The following OTOA variants were observed in gnomAD, a reference collection of about 807,000 sequenced individuals.
The protein encoded by OTOA is otoancorin, also known as cancer/testis antigen 108.
OTOA carries 70 observed loss-of-function variants against 110.8 expected under a neutral mutation model. The ratio of observed to expected loss-of-function variants is 0.63; its 90% confidence interval spans 0.52 to 0.77. OTOA has a LOEUF of 0.77. Ranked by LOEUF, OTOA falls within the 30% of genes least tolerant of loss-of-function variation. The pLI is 0.00. For missense variants in OTOA, 917 were observed against 1,075.8 expected, an observed-to-expected ratio of 0.85 and a Z score of 2.06; for synonymous variants, 373 against 431.5, an observed-to-expected ratio of 0.86 and a Z score of 1.68.
chr16:21,686,516 C>T (rs1897714688), intron 7 of OTOA, among the ~76,000 whole-genome samples: 1 of 151,908 alleles, frequency 6.6e-6, no homozygotes, highest in African/African-American at 2.4e-5. Flanking sequence ...TGGTCTCAAA[C>T]TCCTAGGCTC....
chr16:21,728,279 G>A lies in OTOA; in HGVS notation c.2055G>A (p.Met685Ile), dbSNP rs763903896. ...SIADEYTVDI[M>I]GNLLCHLPAA... is the part of the protein sequence containing the mutation. ...CTGATGAGTACACTGTGGACATCAT[G>A]GGGAACCTGCTGTGTCACTTGCCGG... The change falls in exon 20 of 29, where the codon ATG becomes ATA. Residue 685 changes from methionine to isoleucine, a missense_variant. Met to Ile is a conservative substitution (Grantham distance 10). Around this residue, in one of 6 missense-constraint regions of OTOA, gnomAD observed 840 missense variants for 910.2 expected, o/e 0.92. Transcript: ENST00000646100. The A allele has an allele frequency of 3.1e-6, 5 of 1,614,026 alleles. No individual in the cohort carries two copies. Among genetic ancestry groups the A allele is most frequent in the Non-Finnish European group, 4.2e-6 (5 of 1,180,022 alleles).
intron 21 of OTOA, among the ~76,000 whole-genome samples, chr16:21,733,371 A>AG (rs1197416928): frequency 1.9e-4 from 28 of 151,224 alleles, no homozygotes; most frequent in African/African-American, 6.8e-4. Flanking sequence ...AGATTCCAAG[A>AG]GGGACCAATC....
intron 18 of OTOA, among the ~76,000 whole-genome samples, chr16:21,723,611 G>T (rs549904962): frequency 2.0e-5 from 3 of 152,280 alleles, no homozygotes. Context: ...TTGATATTTG[G>T]TTGAAAGCAA....
intron 13 of OTOA, among the ~76,000 whole-genome samples, chr16:21,713,527 GTGAA>G (rs1220539620): frequency 6.6e-6 from 1 of 152,194 alleles, no homozygotes; most frequent in Non-Finnish European, 1.5e-5. Flanking sequence ...TGTGTTCTAA[GTGAA>G]TTAATAACTT....
intron 12 of OTOA, among the ~76,000 whole-genome samples, chr16:21,707,584 TCTC>T (rs1189609765): frequency 1.5e-5 from 2 of 130,304 alleles, no homozygotes; most frequent in Admixed American, 7.8e-5. Context: ...CTACCTTCCT[TCTC>T]CTTCCTTTTC....
At chr16:21,696,816 C>A (rs191361580) in intron 9 of OTOA, among the ~76,000 whole-genome samples, 1 of 151,596 alleles carries the variant, frequency 6.6e-6, no homozygotes, top group South Asian at 2.1e-4. Context: ...AGTAACCAAT[C>A]GAATGAAAAA....
At chr16:21,727,860 AC>A (rs1898972015) in intron 19 of OTOA, among the ~76,000 whole-genome samples, 1 of 146,846 alleles carries the variant, frequency 6.8e-6, no homozygotes. Flanking sequence ...TGGGATCGGA[AC>A]TTTTTTTTTT....
intron 10 of OTOA, 106 bp from the exon 11 acceptor site, chr16:21,700,782 G>A (rs1567375369): frequency 7.8e-7 from 1 of 1,286,068 alleles, no homozygotes; most frequent in South Asian, 1.2e-5. Flanking sequence ...ACCAGGAGGT[G>A]TATCCAAGTG....
At chr16:21,718,675 G>A (rs1898631385) in intron 15 of OTOA, among the ~76,000 whole-genome samples, 1 of 152,082 alleles carries the variant, frequency 6.6e-6, no homozygotes, top group Non-Finnish European at 1.5e-5. Context: ...CTCATTGGGG[G>A]GTGGTTTGAA....
intron 1 of OTOA, among the ~76,000 whole-genome samples, chr16:21,674,615 T>G (rs1966853689): frequency 1.3e-5 from 2 of 151,828 alleles, no homozygotes; most frequent in African/African-American, 4.8e-5. Flanking sequence ...ATTACAGGCA[T>G]GATTCACTGC....
At chr16:21,693,516 A>C (rs926523709) in intron 9 of OTOA, among the ~76,000 whole-genome samples, 4 of 152,156 alleles carry the variant, frequency 2.6e-5, no homozygotes, top group Admixed American at 2.6e-4. Context: ...CAATTTTTTT[A>C]AACATGTAAG....
chr16:21,705,221 G>A lies in OTOA; in HGVS notation c.1033G>A (p.Val345Met), dbSNP rs771031031. 1 of 1,614,164 alleles carries A rather than the reference G, an allele frequency of 6.2e-7. No homozygotes were observed. The highest frequency in any genetic ancestry group is 1.7e-5 in the Admixed American group (1 of 60,014). ...YNDLELLDAT[V>M]AQVLLYQMIK... is the part of the protein sequence containing the mutation. Reference sequence around the variant, plus strand: ...TGACCTGGAATTGCTGGATGCCACTGTGGCTCAAGTCCTGCTTTACCAGAT... The same window carrying A: ...TGACCTGGAATTGCTGGATGCCACTATGGCTCAAGTCCTGCTTTACCAGAT... Residue 345 changes from valine (V) to methionine (M), a missense_variant, in exon 12 of 29, where the codon GTG becomes ATG. By Grantham distance (21) the Val-to-Met change is conservative (BLOSUM62 1). Coordinates refer to ENST00000646100, the MANE Select transcript of OTOA (RefSeq NM_144672.4).
At chr16:21,674,673 G>T (rs1966853827) in intron 1 of OTOA, among the ~76,000 whole-genome samples, 1 of 151,312 alleles carries the variant, frequency 6.6e-6, no homozygotes, top group Non-Finnish European at 1.5e-5. Context: ...CCATCTGATA[G>T]GCCTATAATT....
chr16:21,714,661 G>A (rs1898494122), intron 13 of OTOA, among the ~76,000 whole-genome samples: 1 of 151,956 alleles, frequency 6.6e-6, no homozygotes, highest in African/African-American at 2.4e-5. Flanking sequence ...ACAGGAACCT[G>A]CTACCATGCC....
At chr16:21,680,016 G>C (rs534975950) in intron 5 of OTOA, among the ~76,000 whole-genome samples, 2 of 152,206 alleles carry the variant, frequency 1.3e-5, no homozygotes, top group African/African-American at 4.8e-5. Flanking sequence ...ATTCTAATAT[G>C]ATGAGTACTA....
chr16:21,758,143 T>G (rs889330959), intron 28 of OTOA, among the ~76,000 whole-genome samples: 5 of 151,880 alleles, frequency 3.3e-5, no homozygotes, highest in African/African-American at 1.2e-4. Flanking sequence ...GAACATGGCC[T>G]TCTTTCCTTT....
At chr16:21,682,242 T>C (rs1016240459) in intron 6 of OTOA, among the ~76,000 whole-genome samples, 5 of 152,192 alleles carry the variant, frequency 3.3e-5, no homozygotes, top group African/African-American at 1.2e-4. Flanking sequence ...GCCCATGTGG[T>C]GGAAACACCT....
intron 2 of OTOA, 83 bp downstream of exon 2, chr16:21,678,688 T>C: frequency 7.5e-7 from 1 of 1,325,340 alleles, no homozygotes. Flanking sequence ...AGGTACATGA[T>C]GCTGTAAGTT....
intron 18 of OTOA, among the ~76,000 whole-genome samples, chr16:21,723,703 G>A (rs1208649858): frequency 6.6e-6 from 1 of 152,130 alleles, no homozygotes; most frequent in African/African-American, 2.4e-5. Flanking sequence ...AGGGACTTCA[G>A]GCATGGCTCG....
Sources: gnomAD v4.1 joint callset for allele counts (sites outside exome capture counted in the v4.1 genomes callset) on GRCh38, gnomAD v4.1.1 for gene constraint, gnomAD v4.1.1 regional missense constraint, MANE v1.5 for transcripts, NCBI Gene and HGNC (gene_info 2026-07-23, HGNC 2026-07-21) for gene names.